YWHAE: variants seen among roughly 807,000 people sequenced by gnomAD.
YWHAE encodes 14-3-3 protein epsilon.
YWHAE carries 4 observed loss-of-function variants against 30.1 expected under a neutral mutation model. The observed-to-expected ratio is 0.13, with a 90% confidence interval of 0.07 to 0.30. YWHAE has a LOEUF of 0.30. YWHAE is among the 10% of genes least tolerant of loss of function. The pLI is 1.00. For synonymous variants in YWHAE, 118 were observed against 111.8 expected, an observed-to-expected ratio of 1.06 and a Z score of -0.35; for missense variants, 121 against 315.9, an observed-to-expected ratio of 0.38 and a Z score of 4.68.
intron 1 of YWHAE, among the ~76,000 whole-genome samples, chr17:1,386,151 A>T (rs947414719): frequency 6.6e-6 from 1 of 152,216 alleles, no homozygotes; most frequent in Non-Finnish European, 1.5e-5. Flanking sequence ...GCCAATAAAC[A>T]GTAGATGATA....
At chr17:1,384,465 GCA>G (rs2073268685) in intron 1 of YWHAE, among the ~76,000 whole-genome samples, 2 of 151,440 alleles carry the variant, frequency 1.3e-5, no homozygotes, top group Non-Finnish European at 1.5e-5. Flanking sequence ...GCCAAGGCGG[GCA>G]GATCACAACG....
intron 5 of YWHAE, among the ~76,000 whole-genome samples, chr17:1,353,854 A>G (rs1190652252): frequency 6.6e-6 from 1 of 152,160 alleles, no homozygotes; most frequent in Non-Finnish European, 1.5e-5. Flanking sequence ...TTTAGATAAA[A>G]TATTTCAACA....
intron 1 of YWHAE, among the ~76,000 whole-genome samples, chr17:1,397,711 C>G (rs901374800): frequency 1.3e-5 from 2 of 151,996 alleles, no homozygotes; most frequent in Admixed American, 1.3e-4. Context: ...ACTTTGCCAC[C>G]AGAAACAAAA....
intron 2 of YWHAE, among the ~76,000 whole-genome samples, chr17:1,362,653 G>A (rs1433404984): frequency 6.6e-6 from 1 of 151,880 alleles, no homozygotes; most frequent in East Asian, 1.9e-4. Flanking sequence ...ACCTCTCAAC[G>A]CACATCCTCA....
chr17:1,353,394 C>T (rs566766611), intron 5 of YWHAE, among the ~76,000 whole-genome samples: 71 of 145,952 alleles, frequency 4.9e-4, no homozygotes, highest in Non-Finnish European at 8.9e-4. Context: ...GCCAAGATCG[C>T]GCCACTGCAC....
chr17:1,352,908 C>A (rs1239904033), intron 5 of YWHAE, among the ~76,000 whole-genome samples: 1 of 152,174 alleles, frequency 6.6e-6, no homozygotes, highest in Non-Finnish European at 1.5e-5. Context: ...ACCACCACCA[C>A]CAAATGTAAA....
At chr17:1,346,584 G>C (rs1295235643) in intron 5 of YWHAE, among the ~76,000 whole-genome samples, 6 of 152,188 alleles carry the variant, frequency 3.9e-5, no homozygotes, top group South Asian at 4.1e-4. Flanking sequence ...CAGCATCAAG[G>C]TTTCAGTAGT....
In YWHAE at chr17:1,347,904, T is replaced by G. The variant is rs557702367; in HGVS notation, c.716-2405A>C. ...GCAACAGGACGATCATACGCAGGCA[T>G]GATTAGTGAAGAACCAAAACTGAAA... is the stretch of plus-strand genomic sequence containing the variant. On this transcript the variant is annotated intron_variant, in intron 5 of 5. Coordinates refer to ENST00000264335, the MANE Select transcript of YWHAE (RefSeq NM_006761.5). 1.5e-5 allele frequency: 14 copies of G among 940,480 alleles called. No individual in the cohort carries two copies. In the African/African-American group the frequency reaches 2.3e-4, roughly 15 times the overall value. The allele number at this position is 940,480 out of a possible 1,614,324, so 58.3% of individuals were successfully genotyped here.
chr17:1,352,343 C>T (rs2072648547), intron 5 of YWHAE: 1 of 152,030 alleles, frequency 6.6e-6, no homozygotes, highest in Non-Finnish European at 1.5e-5. Flanking sequence ...TACCATAACC[C>T]AAAAGTCACA....
At chr17:1,361,831 A>G in intron 3 of YWHAE, 71 bp downstream of exon 3, 1 of 993,980 alleles carries the variant, frequency 1.0e-6, no homozygotes, top group Non-Finnish European at 1.5e-6. Context: ...GAAAACCTAC[A>G]TAGAACAAAG....
At chr17:1,355,315 C>T (rs2072722667) in intron 4 of YWHAE, among the ~76,000 whole-genome samples, 1 of 150,766 alleles carries the variant, frequency 6.6e-6, no homozygotes, top group African/African-American at 2.4e-5. Context: ...CGCCACCACA[C>T]CCGGCTGATT....
intron 2 of YWHAE, among the ~76,000 whole-genome samples, chr17:1,362,822 A>C (rs978672293): frequency 6.6e-6 from 1 of 152,108 alleles, no homozygotes; most frequent in Admixed American, 6.6e-5. Context: ...TTCTGAATAA[A>C]CGACATCCCT....
At chr17:1,372,754 G>A (rs1217998007) in intron 1 of YWHAE, among the ~76,000 whole-genome samples, 1 of 151,978 alleles carries the variant, frequency 6.6e-6, no homozygotes, top group Admixed American at 6.6e-5. Context: ...AGGAGTTCAA[G>A]ACCAGCCTGG....
chr17:1,366,740 C>A (rs908743363), intron 1 of YWHAE, among the ~76,000 whole-genome samples: 1 of 151,876 alleles, frequency 6.6e-6, no homozygotes, highest in Non-Finnish European at 1.5e-5. Flanking sequence ...GTCAGGAGTT[C>A]GAGACCAGCC....
intron 1 of YWHAE, among the ~76,000 whole-genome samples, chr17:1,388,511 A>AAG (rs1437366705): frequency 6.6e-6 from 1 of 150,666 alleles, no homozygotes; most frequent in African/African-American, 2.4e-5. Flanking sequence ...GCAACAGAGC[A>AAG]AGACTCTGTC....
intron 2 of YWHAE, 91 bp downstream of exon 2, chr17:1,364,768 G>T: frequency 7.3e-7 from 1 of 1,377,174 alleles, no homozygotes; most frequent in Non-Finnish European, 1.0e-6. Flanking sequence ...TTATATGAAT[G>T]TAGTCTCCTT....
chr17:1,345,575 T>C (rs2072503177), intron 5 of YWHAE, 76 bp from the exon 6 acceptor site: 2 of 1,486,416 alleles, frequency 1.3e-6, no homozygotes, highest in Non-Finnish European at 1.9e-6. Context: ...AAAGGTGTCA[T>C]TCCAAGCATA....
intron 4 of YWHAE, among the ~76,000 whole-genome samples, chr17:1,359,524 G>C (rs960564710): frequency 2.6e-5 from 4 of 151,992 alleles, no homozygotes; most frequent in East Asian, 3.9e-4. Flanking sequence ...GTCACTAAAA[G>C]GACTGAAGCT....
At chr17:1,396,810 C>G (rs190910579) in intron 1 of YWHAE, among the ~76,000 whole-genome samples, 1 of 152,022 alleles carries the variant, frequency 6.6e-6, no homozygotes, top group Admixed American at 6.6e-5. Context: ...TTACTACAGA[C>G]GGGGTTTCTC....
Sources: gnomAD v4.1 joint callset for allele counts (sites outside exome capture counted in the v4.1 genomes callset) on GRCh38, gnomAD v4.1.1 for gene constraint, MANE v1.5 for transcripts, NCBI Gene and HGNC (gene_info 2026-07-23, HGNC 2026-07-21) for gene names.